Variants in GRM1 observed in about 807,000 individuals in gnomAD.
GRM1 encodes the protein metabotropic glutamate receptor 1.
Under a neutral mutation model 90.9 loss-of-function variants are expected in GRM1, and 33 were observed. That is an observed-to-expected ratio of 0.36 (90% CI 0.28 to 0.49). GRM1 has a LOEUF of 0.49. Among genes scored for constraint, GRM1 ranks in the 20% least tolerant of loss-of-function variants. The pLI is 0.99. For synonymous variants in GRM1, 700 were observed against 613.2 expected (o/e 1.14, Z -2.09); for missense variants, 1,190 against 1,534.3 (o/e 0.78, Z 3.75).
At chr6:146,061,039 T>C (rs1227739520) in intron 1 of GRM1, among the ~76,000 whole-genome samples, 1 of 152,066 alleles carries the variant, frequency 6.6e-6, no homozygotes, top group Non-Finnish European at 1.5e-5. Context: ...TATTATTGTG[T>C]CTCAGTGAAA....
At chr6:146,314,072 T>C (rs1444624077) in intron 3 of GRM1, among the ~76,000 whole-genome samples, 7 of 109,876 alleles carry the variant, frequency 6.4e-5, no homozygotes, top group African/African-American at 1.9e-4. Context: ...TTTTTTTTTT[T>C]TTTTTTTTTT....
At chr6:146,044,616 C>T (rs549790918) in intron 1 of GRM1, among the ~76,000 whole-genome samples, 8 of 152,030 alleles carry the variant, frequency 5.3e-5, no homozygotes, top group Admixed American at 4.6e-4. Flanking sequence ...TGTGTTGATA[C>T]ATGTGAGGGA....
chr6:146,432,903 G>A (rs935570464), intron 7 of GRM1, among the ~76,000 whole-genome samples: 1 of 152,084 alleles, frequency 6.6e-6, no homozygotes, highest in Non-Finnish European at 1.5e-5. Flanking sequence ...CTTTTCTGTG[G>A]GTGCCATGAA....
chr6:146,141,630 A>G (rs1349350802), intron 1 of GRM1, among the ~76,000 whole-genome samples: 1 of 152,178 alleles, frequency 6.6e-6, no homozygotes, highest in Non-Finnish European at 1.5e-5. Flanking sequence ...CTTCAAGCTA[A>G]TAAATTCTTT....
intron 2 of GRM1, among the ~76,000 whole-genome samples, chr6:146,250,082 A>G (rs187107458): frequency 6.6e-6 from 1 of 152,274 alleles, no homozygotes; most frequent in Admixed American, 6.5e-5. Context: ...CTCCCATTGT[A>G]TCTTGGAAGT....
At chr6:146,070,493 C>T (rs932811231) in intron 1 of GRM1, among the ~76,000 whole-genome samples, 2 of 152,018 alleles carry the variant, frequency 1.3e-5, no homozygotes, top group Non-Finnish European at 2.9e-5. Context: ...ATATCCAAAG[C>T]TTTTGCATTT....
chr6:146,246,985 T>C (rs765912272), intron 2 of GRM1, among the ~76,000 whole-genome samples: 16 of 152,164 alleles, frequency 1.1e-4, no homozygotes, highest in Non-Finnish European at 2.1e-4. Flanking sequence ...ATTTATAATA[T>C]GGGGGAAGGC....
chr6:146,036,861 A>G (rs556407114), intron 1 of GRM1, among the ~76,000 whole-genome samples: 55 of 152,036 alleles, frequency 3.6e-4, no homozygotes, highest in African/African-American at 1.3e-3. Flanking sequence ...ACACGTGACT[A>G]TTATGCATCA....
In GRM1 at chr6:146,435,361, C is replaced by T. The variant is rs1440878521; in HGVS notation, c.*565C>T. 9 of 188,936 alleles carry T rather than the reference C, an allele frequency of 4.8e-5. No individual in the cohort carries two copies. Among genetic ancestry groups the T allele is most frequent in the Admixed American group, 2.1e-4 (4 of 18,800 alleles). The allele number at this position is 188,936 out of a possible 1,614,324, so 11.7% of individuals were successfully genotyped here. On this transcript the variant is annotated 3_prime_UTR_variant, in exon 8 of 8. Coordinates refer to ENST00000282753, the MANE Select transcript of GRM1 (RefSeq NM_001278064.2). ...CTCCTTGCTCAGAAGCCCTTCTCCCCGCTGGGCTGACAGACTCCTCATCTT... is the reference window on the plus strand; with the variant it reads ...CTCCTTGCTCAGAAGCCCTTCTCCCTGCTGGGCTGACAGACTCCTCATCTT...
intron 1 of GRM1, among the ~76,000 whole-genome samples, chr6:146,033,963 C>A (rs1239991597): frequency 2.0e-5 from 3 of 151,960 alleles, no homozygotes; most frequent in Admixed American, 2.0e-4. Flanking sequence ...TGATTGCAAC[C>A]TACTTCAAAG....
intron 5 of GRM1, among the ~76,000 whole-genome samples, chr6:146,367,943 A>G (rs971132141): frequency 3.3e-5 from 5 of 151,670 alleles, no homozygotes; most frequent in Non-Finnish European, 5.9e-5. Context: ...TTAAATCTGT[A>G]GATCACTTTG....
intron 2 of GRM1, among the ~76,000 whole-genome samples, chr6:146,257,267 C>A (rs1237308807): frequency 6.6e-6 from 1 of 152,110 alleles, no homozygotes; most frequent in African/African-American, 2.4e-5. Context: ...ACAATCAGAT[C>A]ATAACCTGTT....
At chr6:146,157,385 A>G (rs1303963973) in intron 1 of GRM1, among the ~76,000 whole-genome samples, 2 of 152,236 alleles carry the variant, frequency 1.3e-5, no homozygotes, top group East Asian at 3.8e-4. Flanking sequence ...GATTTTGATA[A>G]GAGAAGATTA....
intron 3 of GRM1, among the ~76,000 whole-genome samples, chr6:146,343,763 C>A (rs547922909): frequency 6.6e-6 from 1 of 151,896 alleles, no homozygotes; most frequent in African/African-American, 2.4e-5. Context: ...GCCTGCCTCC[C>A]GGATTCAAGC....
chr6:146,127,103 A>G (rs944502832), intron 1 of GRM1, among the ~76,000 whole-genome samples: 2 of 152,202 alleles, frequency 1.3e-5, no homozygotes, highest in Non-Finnish European at 2.9e-5. Context: ...CTTCATATTA[A>G]ATTTGCCTTG....
chr6:146,141,495 T>C (rs1016403630), intron 1 of GRM1, among the ~76,000 whole-genome samples: 3 of 152,154 alleles, frequency 2.0e-5, no homozygotes, highest in African/African-American at 7.2e-5. Context: ...TCTTTCTCCA[T>C]CTCCTCTTTA....
chr6:146,413,170 T>C (rs1330682012), intron 7 of GRM1, among the ~76,000 whole-genome samples: 1 of 152,168 alleles, frequency 6.6e-6, no homozygotes, highest in Non-Finnish European at 1.5e-5. Context: ...GGGTGCACAT[T>C]TTATTTTTCT....
intron 1 of GRM1, among the ~76,000 whole-genome samples, chr6:146,126,127 A>G (rs987962859): frequency 6.6e-6 from 1 of 152,114 alleles, no homozygotes; most frequent in African/African-American, 2.4e-5. Context: ...ACAAGGATCA[A>G]ACGTTGACCA....
chr6:146,104,667 C>T (rs146879817), intron 1 of GRM1, among the ~76,000 whole-genome samples: 1 of 152,156 alleles, frequency 6.6e-6, no homozygotes, highest in Non-Finnish European at 1.5e-5. Context: ...GTTACATGCT[C>T]TAGAGATGTT....
Sources: gnomAD v4.1 joint callset for allele counts (sites outside exome capture counted in the v4.1 genomes callset) on GRCh38, gnomAD v4.1.1 for gene constraint, MANE v1.5 for transcripts, NCBI Gene and HGNC (gene_info 2026-07-23, HGNC 2026-07-21) for gene names.